Variants in PKD1L3 observed in about 807,000 individuals in gnomAD.
The protein encoded by PKD1L3 is polycystin-1-like protein 3.
A neutral mutation model predicts 184.1 loss-of-function variants in PKD1L3; 239 were observed. That is an observed-to-expected ratio of 1.30 (90% CI 1.17 to 1.45). The LOEUF (loss-of-function observed/expected upper bound fraction) is 1.45, where lower values mean the gene tolerates loss of function less well. Ranked by LOEUF, PKD1L3 falls within the 40% of genes most tolerant of loss-of-function variation. The pLI is 0.00. For missense variants in PKD1L3, 2,660 were observed against 2,067.2 expected, an observed-to-expected ratio of 1.29 and a Z score of -5.56; for synonymous variants, 996 against 778.8, an observed-to-expected ratio of 1.28 and a Z score of -4.64.
chr16:71,956,761 T>C (rs2039065511), intron 16 of PKD1L3, among the ~76,000 whole-genome samples: 1 of 152,226 alleles, frequency 6.6e-6, no homozygotes, highest in South Asian at 2.1e-4. Context: ...TATCAATATA[T>C]ATACTACTAC....
In PKD1L3 at chr16:71,933,405, AATT is replaced by A. The variant is rs1269485555; in HGVS notation, c.4926+12_4926+14del. ...ATATATTGAATTCTGTGAGGAAACA[AATT>A]ATTATTTTTACCTCCTCTTGGTGAG... On this transcript the variant is annotated intron_variant, in intron 28 of 29. Transcript: ENST00000620267. 3.9e-6 allele frequency: 6 copies of A among 1,519,050 alleles called. No homozygotes were observed. The African/African-American group carries it at 4.1e-5, about 10-fold the overall frequency. The allele number at this position is 1,519,050 out of a possible 1,614,324, so 94.1% of individuals were successfully genotyped here.
rs532313542 is a variant in PKD1L3, at chr16:71,970,125, G to T, written c.1954-20C>A. 1 of 1,517,052 alleles carries T rather than the reference G, an allele frequency of 6.6e-7. No individual in the cohort carries two copies. Among genetic ancestry groups the T allele is most frequent in the Non-Finnish European group, 9.0e-7 (1 of 1,115,794 alleles). The allele number at this position is 1,517,052 out of a possible 1,614,324, so 94.0% of individuals were successfully genotyped here. A position where few individuals can be genotyped will look rare whatever the true frequency, so the allele number is the denominator to read the frequency against. On this transcript the variant is annotated intron_variant, in intron 12 of 29. Transcript: ENST00000620267. ...CCCAACCTGGAATTAGAATCAAGAC[G>T]TTGATTCTAGTCAGACAGAGTGCTA...
At chr16:71,996,250 C>T (rs552861097) in intron 2 of PKD1L3, among the ~76,000 whole-genome samples, 47 of 136,784 alleles carry the variant, frequency 3.4e-4, no homozygotes, top group African/African-American at 9.1e-4. Context: ...CCACCTCCCC[C>T]GCCTTTTTTT....
chr16:71,963,329 A>C lies in PKD1L3; in HGVS notation c.2488T>G (p.Cys830Gly). The C allele has an allele frequency of 6.4e-7, 1 of 1,550,774 alleles. No homozygotes were observed. Among genetic ancestry groups the C allele is most frequent in the Non-Finnish European group, 8.7e-7 (1 of 1,146,570 alleles). The change falls in exon 16 of 30, where the codon TGT becomes GGT. Residue 830 changes from cysteine to glycine, a missense_variant. Cys to Gly is a radical substitution (Grantham distance 159). Transcript: ENST00000620267. Reference protein sequence around the residue: ...PSWYVSQVIVCDMAVKRKWHF... With the variant: ...PSWYVSQVIVGDMAVKRKWHF... ...CACTTCCTCTTAACTGCCATGTCAC[A>C]GACAATTACCTGGCTGACATACCTA...
chr16:71,990,659 G>C (rs962968453), intron 3 of PKD1L3, among the ~76,000 whole-genome samples: 3 of 152,086 alleles, frequency 2.0e-5, no homozygotes, highest in African/African-American at 7.2e-5. Flanking sequence ...GTTTGAACCT[G>C]GGAGGCAGAG....
intron 1 of PKD1L3, 34 bp from the exon 2 acceptor site, chr16:71,998,428 C>T: frequency 6.6e-7 from 1 of 1,525,456 alleles, no homozygotes; most frequent in South Asian, 1.2e-5. Context: ...GAGCCTCATA[C>T]TCGAAAGCCA....
At chr16:71,967,834 T>C (rs2039559185) in intron 14 of PKD1L3, 72 bp downstream of exon 14, 1 of 1,290,624 alleles carries the variant, frequency 7.7e-7, no homozygotes, top group Admixed American at 2.1e-5. Flanking sequence ...GTTGCCAGGA[T>C]ATCACCAACT....
rs757235244 is a variant in PKD1L3, at chr16:71,986,518, T to A, written c.586-49A>T. ...GAAAAGACTGAATCTGATTTTACCATTTTATAATTAAGGCAGCATTTCCCC... is the reference window on the plus strand; with the variant it reads ...GAAAAGACTGAATCTGATTTTACCAATTTATAATTAAGGCAGCATTTCCCC... On this transcript the variant is annotated intron_variant, in intron 4 of 29. Transcript: ENST00000620267. The A allele has an allele frequency of 3.3e-6, 5 of 1,508,436 alleles. No homozygotes were observed. The South Asian group carries it at 6.4e-5, about 19-fold the overall frequency. The allele number at this position is 1,508,436 out of a possible 1,614,324, so 93.4% of individuals were successfully genotyped here.
chr16:71,935,732 T>C (rs1461950994), intron 25 of PKD1L3, among the ~76,000 whole-genome samples: 2 of 152,218 alleles, frequency 1.3e-5, no homozygotes, highest in East Asian at 1.9e-4. Context: ...ACAACTTCCA[T>C]TGGATACATT....
rs1250739848 is a variant in PKD1L3 at position 71,929,631 on chromosome 16, C to G, written c.5106G>C (p.Leu1702Phe). 6.4e-7 allele frequency: 1 copy of G among 1,551,766 alleles called. No homozygotes were observed. The highest frequency in any genetic ancestry group is 2.0e-5 in the Admixed American group (1 of 50,984). ...TTTTTTGGGGCCAACTGATTCCTAA[C>G]AAATTTGAGAGCTTCTGTAGCAGTG... is the stretch of plus-strand genomic sequence containing the variant. The part of the protein sequence containing the change: ...IDTLLQKLSN[L>F]LGISWPQKTS... The change falls in exon 30 of 30, where the codon TTG becomes TTC. Residue 1702 changes from leucine (L) to phenylalanine (F), a missense_variant. Coordinates refer to ENST00000620267, the MANE Select transcript of PKD1L3 (RefSeq NM_181536.2).
At chr16:71,982,036 C>T (rs955993785) in intron 7 of PKD1L3, 23 bp downstream of exon 7, 7 of 1,524,912 alleles carry the variant, frequency 4.6e-6, no homozygotes, top group Admixed American at 2.1e-5. Flanking sequence ...GCAGATCTGG[C>T]CACCTGCATA....
chr16:71,947,466 G>A lies in PKD1L3; in HGVS notation c.3718+26C>T, dbSNP rs545080573. 9.6e-6 allele frequency: 14 copies of A among 1,458,588 alleles called. No individual in the cohort carries two copies. The East Asian group carries it at 9.9e-5, about 10-fold the overall frequency. 90.4% of individuals were successfully genotyped at this position (1,458,588 alleles called of 1,614,324 possible). A position where few individuals can be genotyped will look rare whatever the true frequency, so the allele number is the denominator to read the frequency against. On this transcript the variant is annotated intron_variant, in intron 22 of 29. Transcript: ENST00000620267. The stretch of plus-strand genomic sequence containing the variant: ...TCTAATTTGCTTTTTGCAAAATTAG[G>A]TAGTTGTTAGAACTACTTGAGTTAC...
In PKD1L3 at chr16:71,970,019, C is replaced by T. The variant is rs561939123; in HGVS notation, c.2040G>A (p.Arg680=). Residue 680 remains arginine, a synonymous_variant, in exon 13 of 30, where the codon AGG becomes AGA. Transcript: ENST00000620267. ...TGATCGTGTCTTCAACATTCACGGT[C>T]CTGGGCACGACAAAGAAGTCGCTGG... The part of the protein sequence containing the change: ...FFASDFFVVP[R]TVNVEDTIKL... 1.3e-6 allele frequency: 2 copies of T among 1,551,678 alleles called. No homozygotes were observed.
rs1166891090 is a variant in PKD1L3, at chr16:71,954,152, A to G, written c.2762T>C (p.Val921Ala). The G allele has an allele frequency of 1.2e-5, 18 of 1,550,808 alleles. No homozygotes were observed. Among genetic ancestry groups the G allele is most frequent in the Non-Finnish European group, 1.6e-5 (18 of 1,146,626 alleles). The change falls in exon 17 of 30, where the codon GTT becomes GCT. Residue 921 changes from valine to alanine, a missense_variant. Physicochemically the swap from Val to Ala is moderately conservative, Grantham distance 64. Coordinates refer to ENST00000620267, the MANE Select transcript of PKD1L3 (RefSeq NM_181536.2). ...TLLLCNMVIN[V>A]MFWKINSTTA... Reference sequence around the variant, plus strand: ...GGTGCTGTTTATCTTCCAGAACATAACATTGATGACCATGTTGCAGAGTAG... The same window carrying G: ...GGTGCTGTTTATCTTCCAGAACATAGCATTGATGACCATGTTGCAGAGTAG...
intron 2 of PKD1L3, among the ~76,000 whole-genome samples, chr16:71,993,851 T>A (rs2143873047): frequency 6.6e-6 from 1 of 152,344 alleles, no homozygotes; most frequent in South Asian, 2.1e-4. Context: ...CTGGGCTCAC[T>A]GCAATCTGCA....
chr16:71,935,510 C>A lies in PKD1L3; in HGVS notation c.4461G>T (p.Gln1487His). 1 of 1,552,036 alleles carries A rather than the reference C, an allele frequency of 6.4e-7. No individual in the cohort carries two copies. ...AGAACCTCCACTTCTGCTGTTTCAGCTGACAACCCTAAACATAGACAGCAC... is the reference window on the plus strand; with the variant it reads ...AGAACCTCCACTTCTGCTGTTTCAGATGACAACCCTAAACATAGACAGCAC... ...VCYYAFIQGC[Q>H]LKQQKWRFFT... Residue 1487 changes from glutamine (Q) to histidine (H), a missense_variant, in exon 26 of 30, where the codon CAG becomes CAT. Transcript: ENST00000620267.
At chr16:71,970,802 T>C (rs1275020910) in intron 12 of PKD1L3, among the ~76,000 whole-genome samples, 4 of 152,162 alleles carry the variant, frequency 2.6e-5, no homozygotes, top group Non-Finnish European at 5.9e-5. Flanking sequence ...AGCAAGACTC[T>C]GTCTCCAAAA....
At position 71,942,948 on chromosome 16, in the gene PKD1L3, T is replaced by G; in HGVS notation, c.3936A>C (p.Gln1312His). The change falls in exon 24 of 30, where the codon CAA becomes CAC. Residue 1312 changes from glutamine to histidine, a missense_variant. Transcript: ENST00000620267. ...AKNSNRFYLH[Q>H]AIWKTFSHQF... ...GGTGCGAAAATGTCTTCCAGATAGC[T>G]TGGTGGAGGTAAAATCTATTGGAGT... 1 of 1,551,596 alleles carries G rather than the reference T, an allele frequency of 6.4e-7. No individual in the cohort carries two copies. Among genetic ancestry groups the G allele is most frequent in the Non-Finnish European group, 8.7e-7 (1 of 1,146,936 alleles).
intron 15 of PKD1L3, among the ~76,000 whole-genome samples, chr16:71,966,202 CT>C (rs2039496322): frequency 6.6e-6 from 1 of 152,088 alleles, no homozygotes; most frequent in East Asian, 1.9e-4. Flanking sequence ...TCATTTTTCT[CT>C]TTTTTCCTAA....
Sources: gnomAD v4.1 joint callset for allele counts (sites outside exome capture counted in the v4.1 genomes callset) on GRCh38, gnomAD v4.1.1 for gene constraint, MANE v1.5 for transcripts, NCBI Gene and HGNC (gene_info 2026-07-23, HGNC 2026-07-21) for gene names.